FAM135B: variants seen among roughly 807,000 people sequenced by gnomAD.
The protein encoded by FAM135B is family with sequence similarity 135 member B, also known as protein FAM135B.
FAM135B carries 43 observed loss-of-function variants against 127.7 expected under a neutral mutation model. The observed-to-expected ratio is 0.34, with a 90% confidence interval of 0.26 to 0.43. The LOEUF is 0.43. Ranked by LOEUF, FAM135B falls within the 20% of genes least tolerant of loss-of-function variation. The probability of loss-of-function intolerance (pLI) is 1.00; values close to 1 mark genes in which losing one functional copy is unlikely to be tolerated. For missense variants in FAM135B, 1,558 were observed against 1,725.6 expected, an observed-to-expected ratio of 0.90 and a Z score of 1.72; for synonymous variants, 670 against 665.1, an observed-to-expected ratio of 1.01 and a Z score of -0.11.
chr8:138,360,606 A>T (rs1830359063), intron 2 of FAM135B, among the ~76,000 whole-genome samples: 1 of 152,226 alleles, frequency 6.6e-6, no homozygotes, highest in African/African-American at 2.4e-5. Flanking sequence ...GGCTGAGATT[A>T]CTTGGCCTGT....
intron 1 of FAM135B, among the ~76,000 whole-genome samples, chr8:138,447,047 T>C (rs1836209864): frequency 6.6e-6 from 1 of 151,882 alleles, no homozygotes; most frequent in Admixed American, 6.6e-5. Context: ...AAAAAACACA[T>C]GAAAAAATGC....
chr8:138,467,645 T>C (rs1034970095), intron 1 of FAM135B, among the ~76,000 whole-genome samples: 1 of 152,182 alleles, frequency 6.6e-6, no homozygotes, highest in Non-Finnish European at 1.5e-5. Flanking sequence ...TGTGGAAATT[T>C]GTATAAGCAA....
chr8:138,151,247 A>T lies in FAM135B; in HGVS notation c.3228T>A (p.Val1076=). 1.9e-6 allele frequency: 3 copies of T among 1,602,692 alleles called. No individual in the cohort carries two copies. In the South Asian group the frequency reaches 3.4e-5, roughly 18 times the overall value. ...ITHQPLGSFG[V]VSTHSSTLDE... ...CCAACGTGCTGGAATGGGTAGAAACAACTCCAAAGGATCCCAAAGGCTGAT... is the reference window on the plus strand; with the variant it reads ...CCAACGTGCTGGAATGGGTAGAAACTACTCCAAAGGATCCCAAAGGCTGAT... The change falls in exon 13 of 20, where the codon GTT becomes GTA. Residue 1076 remains valine (V), a synonymous_variant. Transcript: ENST00000395297.
intron 4 of FAM135B, among the ~76,000 whole-genome samples, chr8:138,258,952 A>G (rs933463425): frequency 2.0e-4 from 30 of 152,224 alleles, no homozygotes; most frequent in Non-Finnish European, 4.0e-4. Flanking sequence ...TAGAAATAAT[A>G]TAAGAAGCTA....
At chr8:138,230,614 C>A (rs141218229) in intron 7 of FAM135B, among the ~76,000 whole-genome samples, 21 of 152,256 alleles carry the variant, frequency 1.4e-4, no homozygotes, top group African/African-American at 4.6e-4. Flanking sequence ...TTGTTCCATG[C>A]CCCTGGACTC....
At chr8:138,208,143 G>T (rs1349774159) in intron 7 of FAM135B, among the ~76,000 whole-genome samples, 1 of 152,178 alleles carries the variant, frequency 6.6e-6, no homozygotes, top group Non-Finnish European at 1.5e-5. Context: ...ATCACCCAGG[G>T]TGCTCAGGAA....
At position 138,395,860 on chromosome 8, in the gene FAM135B, C is replaced by T. The variant is rs896160629; in HGVS notation, c.-19-27858G>A. 9.9e-5 allele frequency among the ~76,000 whole-genome samples: 15 copies of T among 152,276 alleles called. No homozygotes were observed. The South Asian group carries it at 3.1e-3, about 32-fold the overall frequency. On this transcript the variant is annotated intron_variant, in intron 1 of 19. Coordinates refer to ENST00000395297, the MANE Select transcript of FAM135B (RefSeq NM_015912.4). ...ATCTGCAAAGCGAGAATAATAGCTACCTTCTTTATATGTCTGTGGTGATTA... is the reference window on the plus strand; with the variant it reads ...ATCTGCAAAGCGAGAATAATAGCTATCTTCTTTATATGTCTGTGGTGATTA...
At chr8:138,361,232 T>G (rs1330462263) in intron 2 of FAM135B, among the ~76,000 whole-genome samples, 2 of 152,096 alleles carry the variant, frequency 1.3e-5, no homozygotes, top group Admixed American at 1.3e-4. Flanking sequence ...AGCCAAGAAT[T>G]TCCATTTCTA....
intron 3 of FAM135B, among the ~76,000 whole-genome samples, chr8:138,266,928 A>G (rs1235784412): frequency 6.6e-6 from 1 of 152,146 alleles, no homozygotes; most frequent in Non-Finnish European, 1.5e-5. Context: ...GGCATTTTAC[A>G]AGTTCTAAAG....
intron 3 of FAM135B, among the ~76,000 whole-genome samples, chr8:138,268,682 C>T (rs1823136253): frequency 1.3e-5 from 2 of 152,148 alleles, no homozygotes; most frequent in African/African-American, 4.8e-5. Flanking sequence ...CTGGTGAAAT[C>T]AGCACCCAGA....
chr8:138,195,399 G>T lies in FAM135B; in HGVS notation c.824-92C>A. The T allele has an allele frequency of 3.3e-6, 4 of 1,213,896 alleles. No homozygotes were observed. In the South Asian group the frequency reaches 3.7e-5, roughly 11 times the overall value. 75.2% of individuals were successfully genotyped at this position (1,213,896 alleles called of 1,614,324 possible). ...ATGAAAAAGCAAAAGTTTCACATTG[G>T]CATTAACGTCACAGAGACAAACACA... is the stretch of plus-strand genomic sequence containing the variant. On this transcript the variant is annotated intron_variant, in intron 8 of 19. Coordinates refer to ENST00000395297, the MANE Select transcript of FAM135B (RefSeq NM_015912.4).
chr8:138,393,047 C>A (rs186769237), intron 1 of FAM135B, among the ~76,000 whole-genome samples: 1 of 152,130 alleles, frequency 6.6e-6, no homozygotes, highest in African/African-American at 2.4e-5. Context: ...GAGCAAGTCA[C>A]GTCTTACATG....
chr8:138,323,876 G>C, intron 2 of FAM135B, among the ~76,000 whole-genome samples: 1 of 152,186 alleles, frequency 6.6e-6, no homozygotes, highest in Non-Finnish European at 1.5e-5. Context: ...CTTTTGTGTA[G>C]AAGTAAAGCA....
intron 1 of FAM135B, among the ~76,000 whole-genome samples, chr8:138,399,642 C>T (rs578118648): frequency 6.6e-6 from 1 of 152,078 alleles, no homozygotes; most frequent in Non-Finnish European, 1.5e-5. Context: ...AAAATGAACA[C>T]GATGATTTTA....
intron 15 of FAM135B, among the ~76,000 whole-genome samples, chr8:138,145,027 T>A (rs1366133413): frequency 3.9e-5 from 6 of 152,192 alleles, no homozygotes; most frequent in Non-Finnish European, 7.3e-5. Flanking sequence ...TTTTATTTTA[T>A]TTTTTGAGAC....
At chr8:138,338,420 A>T (rs1024605025) in intron 2 of FAM135B, among the ~76,000 whole-genome samples, 2 of 152,124 alleles carry the variant, frequency 1.3e-5, no homozygotes, top group African/African-American at 4.8e-5. Flanking sequence ...CAAGAAAAAA[A>T]CAAACAACCC....
At chr8:138,475,654 T>C (rs772997745) in intron 1 of FAM135B, among the ~76,000 whole-genome samples, 9 of 152,220 alleles carry the variant, frequency 5.9e-5, no homozygotes, top group Non-Finnish European at 8.8e-5. Context: ...TCTGCCTTAG[T>C]TCAGGACCTC....
At chr8:138,194,418 T>G (rs570550019) in intron 9 of FAM135B, among the ~76,000 whole-genome samples, 159 of 152,340 alleles carry the variant, frequency 1.0e-3, no homozygotes, top group African/African-American at 3.8e-3. Flanking sequence ...TGGCTGCACA[T>G]AATATTCATC....
intron 2 of FAM135B, 53 bp from the exon 3 acceptor site, chr8:138,310,973 C>T (rs929107124): frequency 4.9e-5 from 71 of 1,444,476 alleles, no homozygotes; most frequent in Non-Finnish European, 6.8e-5. Flanking sequence ...TTAACGTTGA[C>T]TTCTAAAAAT....
Sources: allele counts gnomAD v4.1 joint callset (sites outside exome capture counted in the v4.1 genomes callset), GRCh38; gene constraint gnomAD v4.1.1; transcripts MANE v1.5; gene names NCBI Gene and HGNC (gene_info 2026-07-23, HGNC 2026-07-21).